Variants in KHDRBS2 observed in about 807,000 individuals in gnomAD.
KHDRBS2 encodes KH RNA binding domain containing, signal transduction associated 2.
KHDRBS2 carries 26 observed loss-of-function variants against 44.3 expected under a neutral mutation model. The ratio of observed to expected loss-of-function variants is 0.59; its 90% CI spans 0.43 to 0.81. KHDRBS2 has a LOEUF of 0.81. Ranked by LOEUF, KHDRBS2 falls within the 40% of genes least tolerant of loss-of-function variation. The probability of loss-of-function intolerance (pLI) is 0.00; values close to 1 mark genes in which losing one functional copy is unlikely to be tolerated. For synonymous variants in KHDRBS2, 194 were observed against 151.1 expected (o/e 1.28, Z -2.08); for missense variants, 476 against 433.1 (o/e 1.10, Z -0.88).
downstream of KHDRBS2, among the ~76,000 whole-genome samples, chr6:61,678,287 A>G (rs1201974965): frequency 6.6e-6 from 1 of 151,984 alleles, no homozygotes; most frequent in African/African-American, 2.4e-5. Flanking sequence ...TTTATTGGCT[A>G]AAGTTTTCAA....
chr6:61,779,487 G>T (rs1376261498), intron 6 of KHDRBS2, among the ~76,000 whole-genome samples: 1 of 152,154 alleles, frequency 6.6e-6, no homozygotes, highest in African/African-American at 2.4e-5. Context: ...GAAGAAAAAA[G>T]TATGGTAACC....
At chr6:62,249,325 A>G (rs1269737223) in intron 1 of KHDRBS2, among the ~76,000 whole-genome samples, 1 of 152,088 alleles carries the variant, frequency 6.6e-6, no homozygotes, top group Non-Finnish European at 1.5e-5. Context: ...CCCTCAGTAG[A>G]TTTTGTAAAG....
At chr6:61,705,085 T>C (rs1769303486) in intron 7 of KHDRBS2, among the ~76,000 whole-genome samples, 1 of 151,876 alleles carries the variant, frequency 6.6e-6, no homozygotes, top group Admixed American at 6.6e-5. Flanking sequence ...TTGAAAGGTT[T>C]GTAAAATCTG....
intron 7 of KHDRBS2, among the ~76,000 whole-genome samples, chr6:61,722,598 A>G (rs1047178847): frequency 3.3e-5 from 5 of 152,014 alleles, no homozygotes; most frequent in African/African-American, 1.2e-4. Flanking sequence ...CACATATTCT[A>G]CTATTTTATT....
At chr6:61,975,492 G>C (rs552797719) in intron 4 of KHDRBS2, among the ~76,000 whole-genome samples, 1 of 152,078 alleles carries the variant, frequency 6.6e-6, no homozygotes, top group Admixed American at 6.6e-5. Flanking sequence ...TGCCCCTTGC[G>C]GTTCTCCCAT....
chr6:62,105,729 C>A (rs976526029), intron 2 of KHDRBS2, among the ~76,000 whole-genome samples: 7 of 152,080 alleles, frequency 4.6e-5, no homozygotes, highest in East Asian at 1.9e-4. Context: ...AAAAAACCAG[C>A]TCCTGGATTC....
chr6:61,792,580 T>A (rs1007857449), intron 6 of KHDRBS2, among the ~76,000 whole-genome samples: 1 of 151,460 alleles, frequency 6.6e-6, no homozygotes, highest in Non-Finnish European at 1.5e-5. Flanking sequence ...GAGTGATAGT[T>A]TTTTTTTACT....
In KHDRBS2 at chr6:61,977,425, T is replaced by C. The variant is rs549614324; in HGVS notation, c.483+641A>G. Among the ~76,000 whole-genome samples, 4 of 152,290 alleles carry C rather than the reference T, an allele frequency of 2.6e-5. No individual in the cohort carries two copies. The South Asian group carries it at 6.2e-4, about 24-fold the overall frequency. On this transcript the variant is annotated intron_variant, in intron 4 of 8. Coordinates refer to ENST00000281156, the MANE Select transcript of KHDRBS2 (RefSeq NM_152688.4). ...TTCTTAGAAAATCAGTAGAGAATTC[T>C]ACCAGTATGCAACCCTGAATTTGTT...
the KHDRBS2 span, among the ~76,000 whole-genome samples, chr6:61,547,662 T>C: frequency 6.6e-6 from 1 of 152,086 alleles, no homozygotes; most frequent in Non-Finnish European, 1.5e-5. Context: ...TACAAACACA[T>C]GAAAACAATG....
intron 7 of KHDRBS2, among the ~76,000 whole-genome samples, chr6:61,720,168 A>G (rs1246361390): frequency 6.6e-6 from 1 of 152,164 alleles, no homozygotes; most frequent in Non-Finnish European, 1.5e-5. Flanking sequence ...TTCTTAATCC[A>G]GTCTATCATT....
the KHDRBS2 span, among the ~76,000 whole-genome samples, chr6:61,667,242 T>C: frequency 2.0e-5 from 3 of 151,080 alleles, no homozygotes; most frequent in African/African-American, 7.2e-5. Flanking sequence ...TATATTCTCT[T>C]TTTTTAATGA....
At chr6:61,556,927 G>A in the KHDRBS2 span, among the ~76,000 whole-genome samples, 1 of 117,484 alleles carries the variant, frequency 8.5e-6, no homozygotes, top group Non-Finnish European at 1.6e-5. Context: ...GCATAGTGGT[G>A]AAAAATTCAA....
At chr6:62,129,918 T>C (rs1189510945) in intron 2 of KHDRBS2, among the ~76,000 whole-genome samples, 3 of 152,144 alleles carry the variant, frequency 2.0e-5, no homozygotes, top group African/African-American at 7.2e-5. Flanking sequence ...TTTAATATGA[T>C]ATTTAAAAAC....
At chr6:62,065,863 T>A (rs1181236514) in intron 2 of KHDRBS2, among the ~76,000 whole-genome samples, 3 of 151,888 alleles carry the variant, frequency 2.0e-5, no homozygotes, top group Non-Finnish European at 4.4e-5. Context: ...CAACATGAAT[T>A]TTAATAATGT....
Position 61,680,674 on chromosome 6 carries a change from T to A in KHDRBS2, c.*289A>T, listed in dbSNP as rs1428316962. 5 of 224,802 alleles carry A rather than the reference T, an allele frequency of 2.2e-5. No homozygotes were observed. Among genetic ancestry groups the A allele is most frequent in the Admixed American group, 1.2e-4 (2 of 17,382 alleles). 13.9% of individuals were successfully genotyped at this position (224,802 alleles called of 1,614,324 possible). ...AAAAAGAAAAAGAAAAAAAAAAGAT[T>A]ACACACAACAATGAAAAACAACCAA... On this transcript the variant is annotated 3_prime_UTR_variant, in exon 9 of 9. Coordinates refer to ENST00000281156, the MANE Select transcript of KHDRBS2 (RefSeq NM_152688.4).
chr6:62,096,547 T>C (rs1200241657), intron 2 of KHDRBS2, among the ~76,000 whole-genome samples: 1 of 151,924 alleles, frequency 6.6e-6, no homozygotes, highest in Non-Finnish European at 1.5e-5. Context: ...TCTTTGTATT[T>C]CTAAGGTGTC....
chr6:61,837,185 C>T (rs759125325), intron 6 of KHDRBS2, among the ~76,000 whole-genome samples: 26 of 152,040 alleles, frequency 1.7e-4, no homozygotes, highest in Non-Finnish European at 2.8e-4. Context: ...CAAATCAGGA[C>T]GTATCTCATT....
intron 1 of KHDRBS2, among the ~76,000 whole-genome samples, chr6:62,241,195 C>G (rs549475885): frequency 6.6e-6 from 1 of 152,262 alleles, no homozygotes; most frequent in East Asian, 1.9e-4. Flanking sequence ...GAATCTTAAG[C>G]TTTATTAGCT....
downstream of KHDRBS2, among the ~76,000 whole-genome samples, chr6:61,675,932 C>G (rs1436002642): frequency 6.6e-6 from 1 of 151,708 alleles, no homozygotes; most frequent in Non-Finnish European, 1.5e-5. Context: ...TTAGGCTGCA[C>G]TATTATCTAA....
Sources: allele counts gnomAD v4.1 joint callset (sites outside exome capture counted in the v4.1 genomes callset), GRCh38; gene constraint gnomAD v4.1.1; transcripts MANE v1.5; gene names NCBI Gene and HGNC (gene_info 2026-07-23, HGNC 2026-07-21).